The following PTPRD variants were observed in gnomAD, a reference collection of about 807,000 sequenced individuals.
The protein encoded by PTPRD is receptor-type tyrosine-protein phosphatase delta.
In PTPRD, 34 loss-of-function variants were observed where a neutral mutation model predicts 214.5. The observed-to-expected ratio is 0.16, with a 90% CI of 0.12 to 0.21. PTPRD has a LOEUF of 0.21. PTPRD is among the 10% of genes least tolerant of loss of function. The pLI is 1.00. For missense variants in PTPRD, 2,545 were observed against 2,398.7 expected (o/e 1.06, Z -1.27); for synonymous variants, 1,128 against 845.7 (o/e 1.33, Z -5.79).
intron 6 of PTPRD, among the ~76,000 whole-genome samples, chr9:9,739,345 A>G (rs764297788): frequency 6.6e-6 from 1 of 152,220 alleles, no homozygotes; most frequent in Admixed American, 6.5e-5. Flanking sequence ...GCACACTTCT[A>G]TAAGAATGTT....
chr9:9,399,261 G>T lies in PTPRD; in HGVS notation c.-236-1779C>A, dbSNP rs190242884. ...AATAAAAGCACTGGTTTCTTAATTTGGTAAGAGGGAGGACTTTATTAGGTT... is the reference window on the plus strand; with the variant it reads ...AATAAAAGCACTGGTTTCTTAATTTTGTAAGAGGGAGGACTTTATTAGGTT... On this transcript the variant is annotated intron_variant, in intron 8 of 45. Transcript: ENST00000381196. Among the ~76,000 whole-genome samples the T allele has an allele frequency of 2.6e-3, 398 of 152,058 alleles. 3 individuals are homozygous for T. The highest frequency in any genetic ancestry group is 8.6e-3 in the African/African-American group (359 of 41,508).
chr9:8,602,463 T>C (rs1004650658), intron 14 of PTPRD, among the ~76,000 whole-genome samples: 1 of 152,226 alleles, frequency 6.6e-6, no homozygotes. Flanking sequence ...GGAATGAGAA[T>C]ACCAGAGACC....
At chr9:10,276,629 G>T (rs187405742) in intron 3 of PTPRD, among the ~76,000 whole-genome samples, 16 of 152,134 alleles carry the variant, frequency 1.1e-4, no homozygotes, top group African/African-American at 3.6e-4. Context: ...ATTCACTCTT[G>T]TATATCATAC....
intron 8 of PTPRD, among the ~76,000 whole-genome samples, chr9:9,455,604 G>C (rs2092878363): frequency 6.6e-6 from 1 of 151,562 alleles, no homozygotes; most frequent in Non-Finnish European, 1.5e-5. Context: ...TAATTAGCTG[G>C]TGAATCATTT....
intron 2 of PTPRD, among the ~76,000 whole-genome samples, chr9:10,582,412 G>C (rs996804815): frequency 5.3e-5 from 8 of 152,128 alleles, no homozygotes; most frequent in African/African-American, 1.9e-4. Flanking sequence ...TATCAATTTA[G>C]AATCAATGTT....
chr9:10,167,587 A>T (rs1171643486), intron 3 of PTPRD, among the ~76,000 whole-genome samples: 1 of 152,284 alleles, frequency 6.6e-6, no homozygotes, highest in East Asian at 1.9e-4. Context: ...CATATATGGA[A>T]TATCTTATTA....
intron 4 of PTPRD, among the ~76,000 whole-genome samples, chr9:9,957,896 A>G (rs934221680): frequency 1.1e-4 from 16 of 152,182 alleles, no homozygotes; most frequent in African/African-American, 3.1e-4. Context: ...AAAAAAAAAA[A>G]TTAGAAGAGC....
intron 5 of PTPRD, among the ~76,000 whole-genome samples, chr9:9,875,252 A>G (rs1344607038): frequency 2.0e-5 from 3 of 152,148 alleles, no homozygotes; most frequent in Non-Finnish European, 2.9e-5. Flanking sequence ...TATTTTACAG[A>G]GAAGCAAAAT....
chr9:10,216,917 T>C (rs188421485), intron 3 of PTPRD, among the ~76,000 whole-genome samples: 13 of 152,132 alleles, frequency 8.5e-5, no homozygotes, highest in Admixed American at 7.9e-4. Flanking sequence ...ACTCTAGTGG[T>C]AGCTTTCTGT....
At chr9:9,997,699 G>T (rs544949233) in intron 4 of PTPRD, among the ~76,000 whole-genome samples, 2 of 152,038 alleles carry the variant, frequency 1.3e-5, no homozygotes, top group Non-Finnish European at 2.9e-5. Context: ...CTCCTGAAAC[G>T]TTTTTTTCTA....
intron 31 of PTPRD, among the ~76,000 whole-genome samples, chr9:8,469,031 A>C (rs1029694212): frequency 6.6e-6 from 1 of 152,016 alleles, no homozygotes; most frequent in African/African-American, 2.4e-5. Flanking sequence ...GGTCTCAATT[A>C]TATCAGTAAG....
At chr9:10,178,057 C>G (rs2099259827) in intron 3 of PTPRD, among the ~76,000 whole-genome samples, 1 of 151,820 alleles carries the variant, frequency 6.6e-6, no homozygotes, top group South Asian at 2.1e-4. Flanking sequence ...CACTGCTTTC[C>G]TTGTACTTCT....
At position 9,929,120 on chromosome 9, in the gene PTPRD, A is replaced by T. The variant is rs10978094; in HGVS notation, c.-368+9387T>A. On this transcript the variant is annotated intron_variant, in intron 5 of 45. Transcript: ENST00000381196. ...TCCGCTATACCTATTTTACTATGTC[A>T]CTAACTCTGTGATCCTTCTAGTCTC... Among the ~76,000 whole-genome samples, 285 of 152,308 alleles carry T rather than the reference A, an allele frequency of 1.9e-3. 8 individuals carry two copies. In the East Asian group the frequency reaches 0.05, roughly 27 times the overall value.
chr9:9,663,417 A>G (rs2096656488), intron 7 of PTPRD, among the ~76,000 whole-genome samples: 1 of 151,540 alleles, frequency 6.6e-6, no homozygotes, highest in East Asian at 1.9e-4. Flanking sequence ...TGACTACAGT[A>G]TCTTCATAAG....
At chr9:9,493,731 T>G (rs1198018296) in intron 8 of PTPRD, among the ~76,000 whole-genome samples, 14 of 131,542 alleles carry the variant, frequency 1.1e-4, no homozygotes, top group Admixed American at 7.8e-4. Flanking sequence ...GAGCTTGCAG[T>G]GAGCCGAGAT....
chr9:10,377,332 G>A (rs951959359), intron 2 of PTPRD, among the ~76,000 whole-genome samples: 1 of 151,772 alleles, frequency 6.6e-6, no homozygotes, highest in African/African-American at 2.4e-5. Context: ...GGGTACACGA[G>A]CACAATATGC....
intron 11 of PTPRD, among the ~76,000 whole-genome samples, chr9:8,934,478 A>T (rs13295360): frequency 0.064 from 513 of 8,030 alleles, 18 homozygotes; most frequent in Admixed American, 0.11. Flanking sequence ...TATATATATA[A>T]ATATATATAT....
chr9:9,668,580 G>A (rs2096767765), intron 7 of PTPRD, among the ~76,000 whole-genome samples: 1 of 151,632 alleles, frequency 6.6e-6, no homozygotes, highest in Non-Finnish European at 1.5e-5. Context: ...TAACTTCTTT[G>A]CTCATAATAG....
chr9:9,011,700 A>G (rs1337050482), intron 11 of PTPRD, among the ~76,000 whole-genome samples: 2 of 152,192 alleles, frequency 1.3e-5, no homozygotes, highest in Non-Finnish European at 2.9e-5. Flanking sequence ...AGCTCTTTCA[A>G]CAAATATTTT....
Sources: allele counts gnomAD v4.1 joint callset (sites outside exome capture counted in the v4.1 genomes callset), GRCh38; gene constraint gnomAD v4.1.1; transcripts MANE v1.5; gene names NCBI Gene and HGNC (gene_info 2026-07-23, HGNC 2026-07-21).